Variants in IFT140 observed in about 807,000 individuals in gnomAD.
The protein encoded by IFT140 is intraflagellar transport 140.
IFT140 carries 133 observed loss-of-function variants against 164.6 expected under a neutral mutation model. That is an observed-to-expected ratio of 0.81 (90% CI 0.70 to 0.93). IFT140 has a LOEUF of 0.93. Among genes scored for constraint, IFT140 ranks in the 40% least tolerant of loss-of-function variants. The probability of loss-of-function intolerance (pLI) is 0.00; values close to 1 mark genes in which losing one functional copy is unlikely to be tolerated. For missense variants in IFT140, 2,045 were observed against 1,972.3 expected, an observed-to-expected ratio of 1.04 and a Z score of -0.70; for synonymous variants, 860 against 817.3, an observed-to-expected ratio of 1.05 and a Z score of -0.89.
chr16:1,528,120 G>A (rs1368881323), intron 19 of IFT140, among the ~76,000 whole-genome samples: 1 of 152,128 alleles, frequency 6.6e-6, no homozygotes, highest in Non-Finnish European at 1.5e-5. Flanking sequence ...CCGCCCCAAG[G>A]GCCTTGGGGC....
In IFT140 at chr16:1,518,108, G is replaced by C. The variant is rs769910469; in HGVS notation, c.4182+108C>G. The C allele has an allele frequency of 2.6e-6, 3 of 1,132,460 alleles. No homozygotes were observed. The Admixed American group carries it at 6.4e-5, about 24-fold the overall frequency. 70.2% of individuals were successfully genotyped at this position (1,132,460 alleles called of 1,614,324 possible). ...CTGCCTCAGCCTCCCAAAGTGCTGG[G>C]ATTACAGGAGTGAGCCGCCACACAC... is the stretch of plus-strand genomic sequence containing the variant. On this transcript the variant is annotated intron_variant, in intron 30 of 30. Transcript: ENST00000426508.
chr16:1,584,554 G>A (rs541153172), intron 10 of IFT140, 134 bp from the exon 11 acceptor site: 33 of 697,014 alleles, frequency 4.7e-5, no homozygotes, highest in Non-Finnish European at 7.7e-5. Context: ...CTTAAAAAAT[G>A]ATCTTATAAG....
intron 2 of IFT140, among the ~76,000 whole-genome samples, chr16:1,609,399 A>G (rs1045172657): frequency 2.0e-5 from 3 of 151,846 alleles, no homozygotes; most frequent in Non-Finnish European, 4.4e-5. Flanking sequence ...TGATGGCTTT[A>G]CCTTTGTCGT....
chr16:1,592,947 A>G (rs997923203), intron 4 of IFT140, among the ~76,000 whole-genome samples: 4 of 150,524 alleles, frequency 2.7e-5, no homozygotes, highest in Non-Finnish European at 4.4e-5. Flanking sequence ...CGGCAGAGTG[A>G]CTGGTGGTGG....
At chr16:1,571,759 C>T (rs1458895747) in intron 13 of IFT140, among the ~76,000 whole-genome samples, 2 of 152,218 alleles carry the variant, frequency 1.3e-5, no homozygotes, top group African/African-American at 2.4e-5. Flanking sequence ...AAGGACGGGG[C>T]CCTGTCCTCA....
chr16:1,521,390 AT>A (rs1317828967), intron 26 of IFT140, among the ~76,000 whole-genome samples: 1 of 148,682 alleles, frequency 6.7e-6, no homozygotes, highest in East Asian at 2.0e-4. Context: ...TTTAAGAAAT[AT>A]ATATATTTTT....
In IFT140 at chr16:1,551,047, C is replaced by G. The variant is rs1005752740; in HGVS notation, c.2399+6888G>C. On this transcript the variant is annotated intron_variant, in intron 19 of 30. Coordinates refer to ENST00000426508, the MANE Select transcript of IFT140 (RefSeq NM_014714.4). This position sits in a 1 kb window ranked among gnomAD's most constrained non-coding sequence, Gnocchi z 4.0. ...CTCTGTCCCTTTGAGGGGTCCTGGT[C>G]ACTCAACTGCCAAGGCTGCTGTTCC... Among the ~76,000 whole-genome samples the G allele has an allele frequency of 8.5e-5, 13 of 152,218 alleles. No homozygotes were observed. Among genetic ancestry groups the G allele is most frequent in the African/African-American group, 2.9e-4 (12 of 41,444 alleles).
Position 1,564,174 on chromosome 16 carries a change from A to C in IFT140, c.1902-12T>G, listed in dbSNP as rs2033586818. The C allele has an allele frequency of 6.4e-7, 1 of 1,555,594 alleles. No individual in the cohort carries two copies. Among genetic ancestry groups the C allele is most frequent in the Non-Finnish European group, 8.8e-7 (1 of 1,141,264 alleles). On this transcript the variant is annotated splice_polypyrimidine_tract_variant and intron_variant, in intron 16 of 30. Coordinates refer to ENST00000426508, the MANE Select transcript of IFT140 (RefSeq NM_014714.4). The surrounding 1 kb of genome is among the most constrained non-coding windows in gnomAD (Gnocchi z 5.5). ...CAAAGAGGTGGCTCCTAAAAGACAAAGGAAGACCCGTTTCAACCCCAGGGC... is the reference window on the plus strand; with the variant it reads ...CAAAGAGGTGGCTCCTAAAAGACAACGGAAGACCCGTTTCAACCCCAGGGC...
At chr16:1,527,530 C>T (rs933270838) in intron 19 of IFT140, among the ~76,000 whole-genome samples, 1 of 152,196 alleles carries the variant, frequency 6.6e-6, no homozygotes, top group Non-Finnish European at 1.5e-5. Context: ...AGAGCTGCGT[C>T]AGGGCACAGG....
chr16:1,548,772 A>C (rs1261872752), intron 19 of IFT140, among the ~76,000 whole-genome samples: 1 of 152,244 alleles, frequency 6.6e-6, no homozygotes, highest in Non-Finnish European at 1.5e-5. Flanking sequence ...CGGCATCCAC[A>C]GCGCAGTGCG....
At chr16:1,535,470 G>C (rs1231521255) in intron 19 of IFT140, among the ~76,000 whole-genome samples, 1 of 152,214 alleles carries the variant, frequency 6.6e-6, no homozygotes. Context: ...CTGCTGCAGA[G>C]CCTCACAGAC....
At chr16:1,566,010 AG>A (rs1217385186) in intron 16 of IFT140, 150 bp downstream of exon 16, 7 of 660,584 alleles carry the variant, frequency 1.1e-5, no homozygotes, top group Non-Finnish European at 1.8e-5. Flanking sequence ...ACCCACTGCC[AG>A]AGTGTGCTTC....
At chr16:1,597,010 A>C (rs1230572969) in intron 4 of IFT140, among the ~76,000 whole-genome samples, 1 of 152,154 alleles carries the variant, frequency 6.6e-6, no homozygotes, top group African/African-American at 2.4e-5. Context: ...AAGTGGACTA[A>C]GGGGCTGATG....
rs1199789204 is a variant in IFT140 at position 1,571,445 on chromosome 16, T to C, written c.1614A>G (p.Thr538=). 1.2e-6 allele frequency: 2 copies of C among 1,614,208 alleles called. No individual in the cohort carries two copies. Among genetic ancestry groups the C allele is most frequent in the South Asian group, 1.1e-5 (1 of 91,082 alleles). Residue 538 remains threonine (T), a synonymous_variant, in exon 14 of 31, where the codon ACA becomes ACG. Transcript: ENST00000426508. ...DICGNFLVVG[T]DLAHFKSFDL... ...CAAAGCTTTTAAAGTGAGCCAAGTC[T>C]GTCCCTACAACCAGGAAATTCCCAC...
rs756657960 is a variant in IFT140 at position 1,568,271 on chromosome 16, G to A, written c.1716C>T (p.Ile572=). Residue 572 remains isoleucine (I), a synonymous_variant, in exon 15 of 31, where the codon ATC becomes ATT. Coordinates refer to ENST00000426508, the MANE Select transcript of IFT140 (RefSeq NM_014714.4). ...CGCTGCTGCTGCACCGCAGAGAAGC[G>A]ATGCCCCCCACCCCAGGGACCAGCT... The part of the protein sequence containing the change: ...LAELVPGVGG[I]ASLRCSSSGS... 6 of 1,613,252 alleles carry A rather than the reference G, an allele frequency of 3.7e-6. No homozygotes were observed. The highest frequency in any genetic ancestry group is 2.2e-5 in the East Asian group (1 of 44,854).
In IFT140 at chr16:1,566,283, G is replaced by A. The variant is rs1428988477; in HGVS notation, c.1779C>T (p.Asn593=). The change falls in exon 16 of 31, where the codon AAC becomes AAT. Residue 593 remains asparagine, a synonymous_variant. Transcript: ENST00000426508. ...TISILPSKAD[N]SPDSKICFYD... is the part of the protein sequence containing the mutation. ...AGAAGCAGATTTTGGAATCAGGGCT[G>A]TTGTCAGCCTAGGAGAAGAGAAAAC... is the stretch of plus-strand genomic sequence containing the variant. 6 of 1,613,286 alleles carry A rather than the reference G, an allele frequency of 3.7e-6. No homozygotes were observed. The highest frequency in any genetic ancestry group is 4.5e-5 in the East Asian group (2 of 44,872).
chr16:1,538,112 C>T lies in IFT140; in HGVS notation c.2400-11316G>A, dbSNP rs141669652. Among the ~76,000 whole-genome samples, 22 of 152,342 alleles carry T rather than the reference C, an allele frequency of 1.4e-4. 1 individual carries two copies. In the East Asian group the frequency reaches 4.2e-3, roughly 29 times the overall value. Reference sequence around the variant, plus strand: ...GTGAACGCCAGCTCCAAACAGCTTTCTTGGGGCAGGCGGGAGCGTGGCTCA... The same window carrying T: ...GTGAACGCCAGCTCCAAACAGCTTTTTTGGGGCAGGCGGGAGCGTGGCTCA... On this transcript the variant is annotated intron_variant, in intron 19 of 30. Coordinates refer to ENST00000426508, the MANE Select transcript of IFT140 (RefSeq NM_014714.4).
At chr16:1,569,891 AAAAAAAT>A (rs2033931859) in intron 14 of IFT140, among the ~76,000 whole-genome samples, 1 of 151,728 alleles carries the variant, frequency 6.6e-6, no homozygotes, top group Admixed American at 6.6e-5. Context: ...CCCAGAAAAA[AAAAAAAT>A]AATAAATAAA....
chr16:1,521,350 G>A (rs2040521355), intron 26 of IFT140, among the ~76,000 whole-genome samples: 1 of 151,902 alleles, frequency 6.6e-6, no homozygotes, highest in African/African-American at 2.4e-5. Context: ...GCAGGCACAA[G>A]CCACCGTGCC....
Sources: allele counts gnomAD v4.1 joint callset (sites outside exome capture counted in the v4.1 genomes callset), GRCh38; gene constraint gnomAD v4.1.1; non-coding constraint Gnocchi (gnomAD v3.1); transcripts MANE v1.5; gene names NCBI Gene and HGNC (gene_info 2026-07-23, HGNC 2026-07-21).